Variants in RGPD2 observed in about 807,000 individuals in gnomAD.
RGPD2 encodes RANBP2-like and GRIP domain-containing protein 2.
Under a neutral mutation model 36.0 loss-of-function variants are expected in RGPD2, and 2 were observed. That is an observed-to-expected ratio of 0.06 (90% CI 0.02 to 0.17). RGPD2 has a LOEUF of 0.17. RGPD2 is among the 10% of genes least tolerant of loss of function. RGPD2 has a pLI of 1.00. For missense variants in RGPD2, 40 were observed against 464.3 expected (o/e 0.09, Z 8.40); for synonymous variants, 19 against 163.8 (o/e 0.12, Z 6.75).
intron 1 of RGPD2, among the ~76,000 whole-genome samples, chr2:87,824,757 C>CCGGCCAGGCCGAG (rs1686574241): frequency 3.3e-5 from 4 of 122,906 alleles, no homozygotes; most frequent in Non-Finnish European, 5.2e-5. Context: ...CCGCCGCCGC[C>CCGGCCAGGCCGAG]GCCGCCGCCG....
chr2:87,839,483 A>T, the RGPD2 span, among the ~76,000 whole-genome samples: 2 of 152,190 alleles, frequency 1.3e-5, no homozygotes, highest in East Asian at 3.9e-4. Flanking sequence ...ATGCACTCAT[A>T]TGTTCTTCAC....
the RGPD2 span, among the ~76,000 whole-genome samples, chr2:87,938,099 G>A: frequency 5.9e-5 from 9 of 151,642 alleles, no homozygotes; most frequent in East Asian, 1.9e-4. Context: ...AGCAGTAGCC[G>A]AAGAGAGAAG....
chr2:87,853,139 CT>C, the RGPD2 span, among the ~76,000 whole-genome samples: 3 of 151,950 alleles, frequency 2.0e-5, no homozygotes, highest in African/African-American at 7.3e-5. Flanking sequence ...ATTTTTGCCC[CT>C]GGTAACTTCC....
At chr2:87,978,918 T>TAA in the RGPD2 span, among the ~76,000 whole-genome samples, 12,046 of 129,696 alleles carry the variant, frequency 0.093, 683 homozygotes, top group Non-Finnish European at 0.13. Flanking sequence ...CCCCGTCTCT[T>TAA]AAAAAAAAAA....
chr2:87,881,680 G>A, the RGPD2 span, among the ~76,000 whole-genome samples: 1 of 147,010 alleles, frequency 6.8e-6, no homozygotes, highest in Admixed American at 6.8e-5. Flanking sequence ...GTCTTCTTCT[G>A]AGTCCTCCAA....
the RGPD2 span, among the ~76,000 whole-genome samples, chr2:87,978,891 G>A: frequency 6.8e-5 from 10 of 147,338 alleles, no homozygotes; most frequent in South Asian, 1.1e-3. Context: ...GCAGTCCGGC[G>A]TAGGCAAAAA....
At chr2:87,881,229 A>G in the RGPD2 span, among the ~76,000 whole-genome samples, 4 of 150,770 alleles carry the variant, frequency 2.7e-5, no homozygotes, top group Non-Finnish European at 4.5e-5. Context: ...CAACTTTTCC[A>G]GGTACAAGGT....
At chr2:87,983,434 C>G in the RGPD2 span, among the ~76,000 whole-genome samples, 18 of 118,906 alleles carry the variant, frequency 1.5e-4, no homozygotes, top group East Asian at 4.5e-3. Context: ...CTCTTAAAAA[C>G]AGTATCTCAC....
At chr2:87,878,949 A>G in the RGPD2 span, among the ~76,000 whole-genome samples, 8 of 152,152 alleles carry the variant, frequency 5.3e-5, no homozygotes, top group Non-Finnish European at 1.0e-4. Flanking sequence ...TTTTACAATT[A>G]TATGTAGTAC....
the RGPD2 span, among the ~76,000 whole-genome samples, chr2:87,882,184 T>C: frequency 6.6e-6 from 1 of 152,240 alleles, no homozygotes; most frequent in Non-Finnish European, 1.5e-5. Flanking sequence ...ATGTTAAATG[T>C]CACACAGTTT....
At chr2:87,943,488 T>G in the RGPD2 span, among the ~76,000 whole-genome samples, 3 of 151,926 alleles carry the variant, frequency 2.0e-5, no homozygotes, top group African/African-American at 7.2e-5. Flanking sequence ...GTTTTTTGTT[T>G]GTTTGTTTGT....
At chr2:87,896,922 T>C in the RGPD2 span, among the ~76,000 whole-genome samples, 18 of 149,588 alleles carry the variant, frequency 1.2e-4, no homozygotes, top group East Asian at 2.0e-3. Flanking sequence ...GTTAAAATAA[T>C]AGATGAGTCG....
At chr2:87,852,900 T>G in the RGPD2 span, among the ~76,000 whole-genome samples, 1 of 152,242 alleles carries the variant, frequency 6.6e-6, no homozygotes, top group Non-Finnish European at 1.5e-5. Flanking sequence ...TATTACAAAT[T>G]TTTTACATTT....
At chr2:87,913,642 A>C in the RGPD2 span, among the ~76,000 whole-genome samples, 1 of 151,598 alleles carries the variant, frequency 6.6e-6, no homozygotes, top group African/African-American at 2.4e-5. Flanking sequence ...GTTGAGTTTC[A>C]GCCTAGGCAA....
chr2:87,809,823 C>A (rs1260811233), intron 6 of RGPD2, among the ~76,000 whole-genome samples: 5 of 146,912 alleles, frequency 3.4e-5, no homozygotes, highest in Admixed American at 2.1e-4. Flanking sequence ...TGAGCCTCCC[C>A]CTCTGAGGGC....
At chr2:87,943,854 C>T in the RGPD2 span, among the ~76,000 whole-genome samples, 6 of 152,108 alleles carry the variant, frequency 3.9e-5, no homozygotes, top group East Asian at 1.9e-4. Flanking sequence ...TTCCCATCAT[C>T]GTTGGTTGAG....
the RGPD2 span, among the ~76,000 whole-genome samples, chr2:87,988,626 C>T: frequency 4.2e-4 from 62 of 148,776 alleles, 2 homozygotes; most frequent in African/African-American, 1.3e-3. Flanking sequence ...CTGCAACCTC[C>T]GCATTCTGGG....
chr2:87,853,388 A>AT, the RGPD2 span, among the ~76,000 whole-genome samples: 2 of 151,892 alleles, frequency 1.3e-5, no homozygotes, highest in African/African-American at 2.4e-5. Context: ...ACCCCTGGCA[A>AT]TTTTTTTTAA....
chr2:87,846,710 A>G, the RGPD2 span, among the ~76,000 whole-genome samples: 7 of 151,438 alleles, frequency 4.6e-5, no homozygotes, highest in African/African-American at 1.5e-4. Flanking sequence ...AGATCATTCA[A>G]CCATGGCTAT....
Sources: allele counts gnomAD v4.1 joint callset (sites outside exome capture counted in the v4.1 genomes callset), GRCh38; gene constraint gnomAD v4.1.1; transcripts MANE v1.5; gene names NCBI Gene and HGNC (gene_info 2026-07-23, HGNC 2026-07-21).